The following SCN3A variants were observed in gnomAD, a reference collection of about 807,000 sequenced individuals.
SCN3A encodes sodium channel protein type 3 subunit alpha.
In SCN3A, 60 loss-of-function variants were observed where a neutral mutation model predicts 187.6. The observed-to-expected ratio is 0.32, with a 90% CI of 0.26 to 0.40. SCN3A has a LOEUF of 0.40. Ranked by LOEUF, SCN3A falls within the 10% of genes least tolerant of loss-of-function variation. The pLI is 1.00. For missense variants in SCN3A, 1,601 were observed against 2,428.2 expected (o/e 0.66, Z 7.16); for synonymous variants, 788 against 829.2 (o/e 0.95, Z 0.85).
rs370311340 is a variant in SCN3A, at chr2:165,162,872, A to C, written c.695-44T>G. The C allele has an allele frequency of 2.9e-5, 47 of 1,608,164 alleles. No homozygotes were observed. In the African/African-American group the frequency reaches 5.9e-4, roughly 20 times the overall value. ...AGGTTACCTGAGGAAGAGTGCCAGAAATCATGATTTCTTAATAGTCACACA... is the reference window on the plus strand; with the variant it reads ...AGGTTACCTGAGGAAGAGTGCCAGACATCATGATTTCTTAATAGTCACACA... On this transcript the variant is annotated intron_variant, in intron 7 of 27. Coordinates refer to ENST00000283254, the MANE Select transcript of SCN3A (RefSeq NM_006922.4).
chr2:165,194,085 T>A (rs539427387), intron 1 of SCN3A, among the ~76,000 whole-genome samples: 7 of 152,122 alleles, frequency 4.6e-5, no homozygotes, highest in Non-Finnish European at 1.0e-4. Context: ...CCCTGCCCTA[T>A]CTTTATTAGA....
At position 165,162,706 on chromosome 2, in the gene SCN3A, G is replaced by C; in HGVS notation, c.817C>G (p.Leu273Val). ...GGCCACTGCAAACATTTATTCCTCA[G>C]ATTGCCCATGAACAGCTGCAGCCCA... ...LIGLQLFMGN[L>V]RNKCLQWPPS... The change falls in exon 8 of 28, where the codon CTG (leucine) becomes GTG (valine). Residue 273 changes from leucine (L) to valine (V), a missense_variant. Leu to Val is a conservative substitution (Grantham distance 32, BLOSUM62 1). Transcript: ENST00000283254. The C allele has an allele frequency of 1.2e-6, 2 of 1,614,086 alleles. No homozygotes were observed. The highest frequency in any genetic ancestry group is 1.7e-6 in the Non-Finnish European group (2 of 1,180,006).
intron 2 of SCN3A, 115 bp from the exon 3 acceptor site, chr2:165,176,559 C>T: frequency 4.1e-6 from 3 of 739,436 alleles, no homozygotes; most frequent in East Asian, 2.7e-5. Context: ...TTAAGTCATG[C>T]TTTTAGTACT....
At chr2:165,139,700 A>T in intron 13 of SCN3A, 92 bp from the exon 14 acceptor site, 2 of 1,480,966 alleles carry the variant, frequency 1.4e-6, no homozygotes, top group South Asian at 1.1e-5. Flanking sequence ...GCTACATGCA[A>T]TTTTTCCAGG....
At chr2:165,121,704 G>T (rs1386283487) in intron 18 of SCN3A, among the ~76,000 whole-genome samples, 1 of 152,056 alleles carries the variant, frequency 6.6e-6, no homozygotes, top group Non-Finnish European at 1.5e-5. Flanking sequence ...CTTGAAAACT[G>T]CCCAATATTT....
intron 3 of SCN3A, among the ~76,000 whole-genome samples, chr2:165,171,937 C>T (rs189364720): frequency 2.6e-5 from 4 of 152,114 alleles, no homozygotes; most frequent in South Asian, 4.1e-4. Flanking sequence ...CTTAAAGATA[C>T]TATTTACCTT....
At chr2:165,094,959 T>C (rs1685293870) in intron 25 of SCN3A, among the ~76,000 whole-genome samples, 1 of 152,132 alleles carries the variant, frequency 6.6e-6, no homozygotes, top group Non-Finnish European at 1.5e-5. Flanking sequence ...TTAAATGTAC[T>C]GCAGAGGCAA....
chr2:165,148,918 T>C (rs1688510675), intron 11 of SCN3A, among the ~76,000 whole-genome samples: 1 of 152,146 alleles, frequency 6.6e-6, no homozygotes, highest in South Asian at 2.1e-4. Context: ...CACTTATCTA[T>C]AGCAAGTTAA....
chr2:165,126,589 TCCC>T (rs1687007605), intron 18 of SCN3A, among the ~76,000 whole-genome samples: 6 of 92,568 alleles, frequency 6.5e-5, no homozygotes, highest in African/African-American at 1.5e-4. Context: ...CCTCCCTCCC[TCCC>T]TCCCTTCGTT....
chr2:165,095,357 G>C (rs1685318327), intron 25 of SCN3A, among the ~76,000 whole-genome samples, 154 bp downstream of exon 25: 1 of 152,162 alleles, frequency 6.6e-6, no homozygotes, highest in Non-Finnish European at 1.5e-5. Context: ...CTGACTAGAG[G>C]CTGGAATCCC....
chr2:165,141,289 G>A lies in SCN3A; in HGVS notation c.1672-291C>T, dbSNP rs76845448. On this transcript the variant is annotated intron_variant, in intron 12 of 27. Transcript: ENST00000283254. ...TGGATTGGGTTATCATAATGCTATA[G>A]GTTAGGGACCAGATGCTGAAAAGGA... 3.3e-5 allele frequency among the ~76,000 whole-genome samples: 5 copies of A among 152,246 alleles called. No homozygotes were observed. The East Asian group carries it at 7.7e-4, about 24-fold the overall frequency.
chr2:165,121,014 G>A (rs1686648170), intron 18 of SCN3A, among the ~76,000 whole-genome samples: 1 of 151,914 alleles, frequency 6.6e-6, no homozygotes, highest in Non-Finnish European at 1.5e-5. Context: ...AAAGAAAAAG[G>A]CCATTTGTTT....
chr2:165,122,752 A>G (rs954867062), intron 18 of SCN3A: 2 of 152,202 alleles, frequency 1.3e-5, no homozygotes, highest in African/African-American at 4.8e-5. Flanking sequence ...ATAGCTGAGT[A>G]GCATGCAGGC....
At chr2:165,153,097 TA>T (rs1688789411) in intron 11 of SCN3A, among the ~76,000 whole-genome samples, 1 of 151,114 alleles carries the variant, frequency 6.6e-6, no homozygotes, top group African/African-American at 2.4e-5. Context: ...GGTACTGGTA[TA>T]AAAATGACAA....
intron 18 of SCN3A, among the ~76,000 whole-genome samples, chr2:165,126,370 C>A (rs1239754554): frequency 6.6e-6 from 1 of 151,488 alleles, no homozygotes; most frequent in Non-Finnish European, 1.5e-5. Context: ...GAACAATTTC[C>A]TTCCTTCCTT....
At chr2:165,107,482 T>C (rs562044801) in intron 21 of SCN3A, among the ~76,000 whole-genome samples, 1 of 152,328 alleles carries the variant, frequency 6.6e-6, no homozygotes, top group African/African-American at 2.4e-5. Context: ...TGACAATAAT[T>C]TATAATTATT....
chr2:165,184,983 G>A (rs185123746), intron 2 of SCN3A, among the ~76,000 whole-genome samples: 86 of 151,598 alleles, frequency 5.7e-4, no homozygotes, highest in African/African-American at 1.9e-3. Context: ...CTAAACACAT[G>A]ATTGCCAACA....
intron 12 of SCN3A, among the ~76,000 whole-genome samples, chr2:165,142,281 T>C (rs1268149371): frequency 6.6e-6 from 1 of 152,186 alleles, no homozygotes; most frequent in Non-Finnish European, 1.5e-5. Flanking sequence ...AAAGGCAGAC[T>C]CTGTCAAATG....
At chr2:165,196,745 G>A (rs548278196) in intron 1 of SCN3A, among the ~76,000 whole-genome samples, 1 of 152,096 alleles carries the variant, frequency 6.6e-6, no homozygotes, top group African/African-American at 2.4e-5. Context: ...AATGCATTTT[G>A]GCTTTAAAAA....
Sources: gnomAD v4.1 joint callset for allele counts (sites outside exome capture counted in the v4.1 genomes callset) on GRCh38, gnomAD v4.1.1 for gene constraint, MANE v1.5 for transcripts, NCBI Gene and HGNC (gene_info 2026-07-23, HGNC 2026-07-21) for gene names.